The following CACNA2D3 variants were observed in gnomAD, a reference collection of about 807,000 sequenced individuals.
CACNA2D3 encodes calcium voltage-gated channel auxiliary subunit alpha2delta 3.
CACNA2D3 carries 60 observed loss-of-function variants against 160.6 expected under a neutral mutation model. That is an observed-to-expected ratio of 0.37 (90% CI 0.30 to 0.46). CACNA2D3 has a LOEUF of 0.46. Ranked by LOEUF, CACNA2D3 falls within the 20% of genes least tolerant of loss-of-function variation. CACNA2D3 has a pLI of 1.00. For missense variants in CACNA2D3, 1,205 were observed against 1,365.0 expected (o/e 0.88, Z 1.85); for synonymous variants, 558 against 492.9 (o/e 1.13, Z -1.75).
intron 2 of CACNA2D3, among the ~76,000 whole-genome samples, chr3:54,178,143 C>A (rs1189543266): frequency 1.3e-5 from 2 of 152,158 alleles, no homozygotes; most frequent in Non-Finnish European, 2.9e-5. Flanking sequence ...GCTGTCCAGA[C>A]CCTTCTCTGG....
intron 11 of CACNA2D3, among the ~76,000 whole-genome samples, chr3:54,691,964 T>G (rs1700579999): frequency 6.6e-6 from 1 of 151,886 alleles, no homozygotes; most frequent in Non-Finnish European, 1.5e-5. Flanking sequence ...TTAAAGTAAT[T>G]AATAATATTA....
intron 2 of CACNA2D3, among the ~76,000 whole-genome samples, chr3:54,205,324 C>T (rs541458448): frequency 6.6e-6 from 1 of 152,236 alleles, no homozygotes; most frequent in Non-Finnish European, 1.5e-5. Flanking sequence ...AACTCCTGAC[C>T]TCAGGTGATC....
chr3:54,625,309 A>T (rs1699073587), intron 9 of CACNA2D3, among the ~76,000 whole-genome samples: 3 of 152,244 alleles, frequency 2.0e-5, no homozygotes, highest in Admixed American at 2.0e-4. Flanking sequence ...TATTTTGCTA[A>T]TTTAGAGAAA....
intron 4 of CACNA2D3, among the ~76,000 whole-genome samples, chr3:54,473,237 G>C (rs898643037): frequency 2.0e-5 from 3 of 152,034 alleles, no homozygotes; most frequent in African/African-American, 4.8e-5. Flanking sequence ...CGCACATCTA[G>C]AACCATCTGA....
intron 4 of CACNA2D3, among the ~76,000 whole-genome samples, chr3:54,438,108 G>C (rs1375887372): frequency 6.6e-6 from 1 of 152,134 alleles, no homozygotes; most frequent in Non-Finnish European, 1.5e-5. Flanking sequence ...CCATGAAAAG[G>C]GTTATAGAAG....
intron 30 of CACNA2D3, 39 bp from the exon 31 acceptor site, chr3:54,987,644 T>C (rs978710245): frequency 7.3e-7 from 1 of 1,368,948 alleles, no homozygotes; most frequent in Non-Finnish European, 1.0e-6. Context: ...TTGGGCACAT[T>C]ATTTATCTAC....
At chr3:54,967,673 T>TA (rs1323736279) in intron 27 of CACNA2D3, among the ~76,000 whole-genome samples, 7 of 152,188 alleles carry the variant, frequency 4.6e-5, no homozygotes, top group African/African-American at 1.7e-4. Flanking sequence ...CTTACCATTT[T>TA]ACTTCCTGAG....
At chr3:54,551,955 A>G (rs188399685) in intron 5 of CACNA2D3, among the ~76,000 whole-genome samples, 48 of 152,354 alleles carry the variant, frequency 3.2e-4, no homozygotes, top group Admixed American at 1.4e-3. Flanking sequence ...AGTATCATGT[A>G]TCAAAAGAGG....
At chr3:54,771,959 A>AG (rs1397706742) in intron 13 of CACNA2D3, among the ~76,000 whole-genome samples, 1 of 152,082 alleles carries the variant, frequency 6.6e-6, no homozygotes, top group Admixed American at 6.6e-5. Context: ...AGAAGGTTTT[A>AG]GGATAGCTAT....
intron 11 of CACNA2D3, among the ~76,000 whole-genome samples, chr3:54,742,130 G>C (rs1701662648): frequency 6.6e-6 from 1 of 152,140 alleles, no homozygotes; most frequent in African/African-American, 2.4e-5. Flanking sequence ...ACTTCAAATA[G>C]TGCTGGGGCT....
intron 13 of CACNA2D3, among the ~76,000 whole-genome samples, chr3:54,811,465 CTTTTTTTTTTTTTTTTTTTT>C (rs71096451): frequency 1.5e-4 from 17 of 111,604 alleles, no homozygotes; most frequent in African/African-American, 4.7e-4. Flanking sequence ...TCCCTCAGTT[CTTTTTTTTTTTTTTTTTTTT>C]TTTTTTTTTT....
chr3:54,473,391 A>T (rs36143960), intron 4 of CACNA2D3, among the ~76,000 whole-genome samples: 1 of 152,212 alleles, frequency 6.6e-6, no homozygotes, highest in Admixed American at 6.5e-5. Context: ...CTCAGGATGG[A>T]TTAAAGACTT....
chr3:54,439,884 C>A (rs1031527770), intron 4 of CACNA2D3, among the ~76,000 whole-genome samples: 8 of 152,194 alleles, frequency 5.3e-5, no homozygotes, highest in African/African-American at 1.9e-4. Context: ...TGCAGTGCTT[C>A]TCCAATGTGA....
At chr3:54,285,816 C>A (rs1703005123) in intron 2 of CACNA2D3, among the ~76,000 whole-genome samples, 1 of 152,248 alleles carries the variant, frequency 6.6e-6, no homozygotes, top group Non-Finnish European at 1.5e-5. Context: ...CCCTGGCAAA[C>A]AGGGTCTGGA....
chr3:54,548,022 T>C (rs1702093516), intron 5 of CACNA2D3, among the ~76,000 whole-genome samples: 1 of 152,186 alleles, frequency 6.6e-6, no homozygotes, highest in African/African-American at 2.4e-5. Flanking sequence ...ATACAAGTGA[T>C]GTGTTCACAT....
Position 54,783,883 on chromosome 3 carries a change from A to G in CACNA2D3, c.1380+19532A>G, listed in dbSNP as rs1000151017. On this transcript the variant is annotated intron_variant, in intron 13 of 37. Coordinates refer to ENST00000474759, the MANE Select transcript of CACNA2D3 (RefSeq NM_018398.3). ...TTTGATGGGCTTTTAAATATCTTGG[A>G]ATTTGCATTTTGAATGTGTTAAACA... Among the ~76,000 whole-genome samples the G allele has an allele frequency of 3.9e-5, 6 of 152,172 alleles. No homozygotes were observed. In the East Asian group the frequency reaches 1.2e-3, roughly 29 times the overall value.
chr3:54,284,970 G>A (rs947310077), intron 2 of CACNA2D3, among the ~76,000 whole-genome samples: 4 of 152,202 alleles, frequency 2.6e-5, no homozygotes, highest in Non-Finnish European at 5.9e-5. Context: ...TGGCCGAATA[G>A]GAACAGCTCT....
At chr3:54,424,589 G>T (rs918516991) in intron 4 of CACNA2D3, among the ~76,000 whole-genome samples, 2 of 152,248 alleles carry the variant, frequency 1.3e-5, no homozygotes, top group African/African-American at 2.4e-5. Flanking sequence ...ACTCTGTTTT[G>T]CATTCCAGTC....
chr3:54,939,980 A>G (rs762391135), intron 27 of CACNA2D3, among the ~76,000 whole-genome samples: 3 of 152,218 alleles, frequency 2.0e-5, no homozygotes, highest in Non-Finnish European at 4.4e-5. Context: ...TGCAGAGGAC[A>G]GGATGCCTCT....
Sources: allele counts gnomAD v4.1 joint callset (sites outside exome capture counted in the v4.1 genomes callset), GRCh38; gene constraint gnomAD v4.1.1; transcripts MANE v1.5; gene names NCBI Gene and HGNC (gene_info 2026-07-23, HGNC 2026-07-21).